GNAO1: variants seen among roughly 807,000 people sequenced by gnomAD.
The protein encoded by GNAO1 is G protein subunit alpha o1, also known as guanine nucleotide-binding protein G(o) subunit alpha.
For missense variants in GNAO1, 166 were observed against 478.7 expected (o/e 0.35, Z 6.10); for synonymous variants, 164 against 180.7 (o/e 0.91, Z 0.74).
In GNAO1 at chr16:56,292,731, C is replaced by T. The variant is rs548037689; in HGVS notation, c.303+16659C>T. Among the ~76,000 whole-genome samples, 5 of 152,294 alleles carry T rather than the reference C, an allele frequency of 3.3e-5. No individual in the cohort carries two copies. The East Asian group carries it at 5.8e-4, about 18-fold the overall frequency. ...GCATGTTCATGGCTTATGAGCTGCA[C>T]GTTCAGCTCTGCTGTCCTGTTTGAT... On this transcript the variant is annotated intron_variant, in intron 3 of 8. Coordinates refer to ENST00000262493, the MANE Select transcript of GNAO1 (RefSeq NM_020988.3).
At chr16:56,283,937 T>G (rs1165125556) in intron 3 of GNAO1, among the ~76,000 whole-genome samples, 2 of 152,162 alleles carry the variant, frequency 1.3e-5, no homozygotes, top group African/African-American at 4.8e-5. Flanking sequence ...TGGTCCAAAC[T>G]GGAAAGAGAC....
At position 56,311,343 on chromosome 16, in the gene GNAO1, TG is replaced by T. The variant is rs1313607875; in HGVS notation, c.304-17285del. ...CTGAGCTGGTTCCCCCTGCCCCCAC[TG>T]GGTTAGGAGCTGCAGTGCCAACCTC... is the stretch of plus-strand genomic sequence containing the variant. On this transcript the variant is annotated intron_variant, in intron 3 of 8. Transcript: ENST00000262493. The surrounding 1 kb of genome is among the most constrained non-coding windows in gnomAD (Gnocchi z 5.2). Among the ~76,000 whole-genome samples, 1 of 152,050 alleles carries T rather than the reference TG, an allele frequency of 6.6e-6. No individual in the cohort carries two copies. The highest frequency in any genetic ancestry group is 1.5e-5 in the Non-Finnish European group (1 of 67,980).
At chr16:56,192,694 A>G in intron 2 of GNAO1, 78 bp downstream of exon 2, 1 of 857,886 alleles carries the variant, frequency 1.2e-6, no homozygotes. Flanking sequence ...TGCTTACTCC[A>G]CATTGCTCTC....
chr16:56,205,847 G>A (rs2036322657), intron 2 of GNAO1, among the ~76,000 whole-genome samples: 1 of 152,244 alleles, frequency 6.6e-6, no homozygotes, highest in South Asian at 2.1e-4. Context: ...TTCTAAAGGA[G>A]GAAACTGGGA....
chr16:56,212,377 A>G (rs141925296), intron 2 of GNAO1, among the ~76,000 whole-genome samples: 82 of 152,268 alleles, frequency 5.4e-4, no homozygotes, highest in African/African-American at 1.7e-3. Context: ...TCCACCCGCA[A>G]TGGTCCTGGA....
At chr16:56,279,838 C>T (rs947105168) in intron 3 of GNAO1, among the ~76,000 whole-genome samples, 1 of 152,138 alleles carries the variant, frequency 6.6e-6, no homozygotes, top group Non-Finnish European at 1.5e-5. Context: ...GGGGCCTGGC[C>T]CACCAATGGA....
intron 3 of GNAO1, among the ~76,000 whole-genome samples, chr16:56,296,959 G>A (rs12325118): frequency 0.022 from 3,301 of 152,136 alleles, 117 homozygotes; most frequent in African/African-American, 0.073. Flanking sequence ...ACTTCAAAGC[G>A]TCTCCCTCAT....
chr16:56,203,278 G>A (rs1419720993), intron 2 of GNAO1, among the ~76,000 whole-genome samples: 1 of 152,008 alleles, frequency 6.6e-6, no homozygotes, highest in Non-Finnish European at 1.5e-5. Context: ...CATGACTCAG[G>A]CCTTGCCATT....
At chr16:56,313,805 C>A (rs2037482190) in intron 3 of GNAO1, among the ~76,000 whole-genome samples, 1 of 152,180 alleles carries the variant, frequency 6.6e-6, no homozygotes, top group African/African-American at 2.4e-5. Flanking sequence ...TCACTCCAGC[C>A]TCAACCTCTG....
At chr16:56,264,689 A>G (rs1370912833) in intron 2 of GNAO1, among the ~76,000 whole-genome samples, 2 of 151,212 alleles carry the variant, frequency 1.3e-5, no homozygotes, top group Non-Finnish European at 2.9e-5. Flanking sequence ...CTTTTATTCT[A>G]TATTATTCTG....
chr16:56,292,577 G>T (rs747508676), intron 3 of GNAO1, among the ~76,000 whole-genome samples: 38 of 152,026 alleles, frequency 2.5e-4, no homozygotes, highest in Non-Finnish European at 4.7e-4. Flanking sequence ...GCCCAGGCTG[G>T]TCTCAAACTC....
intron 2 of GNAO1, among the ~76,000 whole-genome samples, chr16:56,200,117 A>G (rs1410767785): frequency 1.3e-5 from 2 of 152,192 alleles, no homozygotes; most frequent in Non-Finnish European, 2.9e-5. Context: ...ATGCTTTAAA[A>G]TTGATCCTGG....
intron 2 of GNAO1, among the ~76,000 whole-genome samples, chr16:56,263,275 G>A (rs2036920703): frequency 6.6e-6 from 1 of 152,222 alleles, no homozygotes; most frequent in Admixed American, 6.5e-5. Context: ...GGAGTTATAT[G>A]TGGAGCCCTC....
chr16:56,200,344 A>C (rs2143298269), intron 2 of GNAO1, among the ~76,000 whole-genome samples: 1 of 152,360 alleles, frequency 6.6e-6, no homozygotes, highest in Admixed American at 6.5e-5. Flanking sequence ...GAAAAGGAAG[A>C]ATACGAGGTA....
chr16:56,276,036 C>T lies in GNAO1; in HGVS notation c.267C>T (p.Asp89=), dbSNP rs201728736. 15 of 1,613,990 alleles carry T rather than the reference C, an allele frequency of 9.3e-6. No individual in the cohort carries two copies. Among genetic ancestry groups the T allele is most frequent in the Non-Finnish European group, 1.1e-5 (13 of 1,179,974 alleles). Residue 89 remains aspartate (D), a synonymous_variant, in exon 3 of 9, where the codon GAC becomes GAT. Transcript: ENST00000262493. ...TGGCAGCCATCGTCCGGGCCATGGACACTTTGGGCATCGAATATGGTGATA... is the reference window on the plus strand; with the variant it reads ...TGGCAGCCATCGTCCGGGCCATGGATACTTTGGGCATCGAATATGGTGATA... ...QSLAAIVRAM[D]TLGIEYGDKE...
At chr16:56,308,933 A>C (rs903361191) in intron 3 of GNAO1, among the ~76,000 whole-genome samples, 1 of 151,808 alleles carries the variant, frequency 6.6e-6, no homozygotes, top group African/African-American at 2.4e-5. Context: ...CCTTTTCATC[A>C]GGTCAAGTCT....
At chr16:56,198,585 G>A (rs571422902) in intron 2 of GNAO1, among the ~76,000 whole-genome samples, 13 of 152,278 alleles carry the variant, frequency 8.5e-5, no homozygotes, top group African/African-American at 3.1e-4. Flanking sequence ...ATAACATTTG[G>A]TGCCTCAGTT....
intron 2 of GNAO1, among the ~76,000 whole-genome samples, chr16:56,238,935 A>G (rs1021917457): frequency 1.3e-5 from 2 of 152,212 alleles, no homozygotes; most frequent in South Asian, 4.1e-4. Flanking sequence ...ACATAATTTT[A>G]TTGGCCCTCT....
Position 56,351,645 on chromosome 16 carries a change from G to A in GNAO1, c.877+108G>A, listed in dbSNP as rs1174597037. On this transcript the variant is annotated intron_variant, in intron 7 of 8. Coordinates refer to ENST00000262493, the MANE Select transcript of GNAO1 (RefSeq NM_020988.3). The surrounding 1 kb of genome is among the most constrained non-coding windows in gnomAD (Gnocchi z 6.1). Reference sequence around the variant, plus strand: ...ACTGCTGGGGCTAGCTGGCGAGCGGGACCCATTGCAGGAGACTGGTGGGGC... The same window carrying A: ...ACTGCTGGGGCTAGCTGGCGAGCGGAACCCATTGCAGGAGACTGGTGGGGC... The A allele has an allele frequency of 2.0e-5, 17 of 860,616 alleles. No homozygotes were observed. In the African/African-American group the frequency reaches 2.7e-4, roughly 14 times the overall value. The allele number at this position is 860,616 out of a possible 1,614,324, so 53.3% of individuals were successfully genotyped here. A position where few individuals can be genotyped will look rare whatever the true frequency, so the allele number is the denominator to read the frequency against.
Sources: gnomAD v4.1 joint callset for allele counts (sites outside exome capture counted in the v4.1 genomes callset) on GRCh38, gnomAD v4.1.1 for gene constraint, Gnocchi (gnomAD v3.1) non-coding constraint, MANE v1.5 for transcripts, NCBI Gene and HGNC (gene_info 2026-07-23, HGNC 2026-07-21) for gene names.